The following MACROD2 variants were observed in gnomAD, a reference collection of about 807,000 sequenced individuals.
The protein encoded by MACROD2 is mono-ADP ribosylhydrolase 2.
MACROD2 carries 36 observed loss-of-function variants against 70.4 expected under a neutral mutation model. That is an observed-to-expected ratio of 0.51 (90% CI 0.39 to 0.68). The LOEUF (loss-of-function observed/expected upper bound fraction) is 0.68. Ranked by LOEUF, MACROD2 falls within the 30% of genes least tolerant of loss-of-function variation. MACROD2 has a pLI of 0.00. For synonymous variants in MACROD2, 172 were observed against 178.8 expected (o/e 0.96, Z 0.30); for missense variants, 496 against 538.4 (o/e 0.92, Z 0.78).
intron 8 of MACROD2, among the ~76,000 whole-genome samples, chr20:15,529,486 G>A (rs1023416440): frequency 2.0e-5 from 3 of 151,714 alleles, no homozygotes; most frequent in Non-Finnish European, 2.9e-5. Flanking sequence ...TAAATTAAAC[G>A]TCTATGTAAA....
intron 2 of MACROD2, among the ~76,000 whole-genome samples, chr20:14,071,267 T>TTC: frequency 7.5e-6 from 1 of 132,850 alleles, no homozygotes; most frequent in Non-Finnish European, 1.6e-5. Context: ...TTTTTTTTTT[T>TTC]TTTTTTTTTT....
At chr20:15,348,610 G>T (rs1467787591) in intron 6 of MACROD2, among the ~76,000 whole-genome samples, 2 of 152,120 alleles carry the variant, frequency 1.3e-5, no homozygotes, top group African/African-American at 4.8e-5. Flanking sequence ...CCACATGGCT[G>T]GGGAGGCCTC....
chr20:14,060,221 T>G (rs2148655085), intron 2 of MACROD2, among the ~76,000 whole-genome samples: 1 of 152,292 alleles, frequency 6.6e-6, no homozygotes, highest in East Asian at 1.9e-4. Flanking sequence ...AAGACTCTGG[T>G]TCCCTCTATC....
At chr20:15,477,161 C>T (rs1016453628) in intron 7 of MACROD2, among the ~76,000 whole-genome samples, 4 of 137,374 alleles carry the variant, frequency 2.9e-5, no homozygotes, top group Non-Finnish European at 6.0e-5. Context: ...ACTACAGTGG[C>T]GTAATCACAG....
chr20:15,688,242 T>C (rs947657767), intron 8 of MACROD2, among the ~76,000 whole-genome samples: 1 of 152,232 alleles, frequency 6.6e-6, no homozygotes, highest in Non-Finnish European at 1.5e-5. Context: ...CCTTTGGACA[T>C]TGTCATATAT....
At chr20:14,509,294 A>G (rs1209670002) in intron 4 of MACROD2, among the ~76,000 whole-genome samples, 1 of 152,108 alleles carries the variant, frequency 6.6e-6, no homozygotes, top group African/African-American at 2.4e-5. Context: ...TTGGGACAGT[A>G]AAATCATTAA....
intron 10 of MACROD2, among the ~76,000 whole-genome samples, chr20:15,919,506 G>A (rs978609420): frequency 2.0e-5 from 3 of 152,212 alleles, no homozygotes; most frequent in South Asian, 4.1e-4. Flanking sequence ...GGAGGCCGAG[G>A]TGGGCAGATC....
chr20:14,707,971 G>T (rs2071289884), intron 5 of MACROD2, among the ~76,000 whole-genome samples: 1 of 152,116 alleles, frequency 6.6e-6, no homozygotes, highest in Non-Finnish European at 1.5e-5. Context: ...CCTAGAGTTG[G>T]AAACCTTGGT....
At chr20:14,203,565 T>A (rs547172021) in intron 3 of MACROD2, among the ~76,000 whole-genome samples, 2 of 152,232 alleles carry the variant, frequency 1.3e-5, no homozygotes, top group Admixed American at 6.5e-5. Flanking sequence ...TCTATAATCA[T>A]ATCCATAGTG....
intron 5 of MACROD2, among the ~76,000 whole-genome samples, chr20:15,010,629 T>A (rs1461952786): frequency 6.6e-6 from 1 of 152,242 alleles, no homozygotes; most frequent in Non-Finnish European, 1.5e-5. Context: ...CTTAAAACTA[T>A]GTTTGTTCCT....
intron 5 of MACROD2, among the ~76,000 whole-genome samples, chr20:14,891,055 C>T (rs569960248): frequency 7.0e-6 from 1 of 141,886 alleles, no homozygotes; most frequent in Non-Finnish European, 1.5e-5. Flanking sequence ...TTTCCTTCTT[C>T]TTCCTCTTCC....
At chr20:15,017,782 C>T (rs1444401167) in intron 5 of MACROD2, among the ~76,000 whole-genome samples, 1 of 152,236 alleles carries the variant, frequency 6.6e-6, no homozygotes, top group Non-Finnish European at 1.5e-5. Flanking sequence ...GGGCTTCCAC[C>T]CTCTGAAGCC....
intron 8 of MACROD2, among the ~76,000 whole-genome samples, chr20:15,748,869 A>G (rs1227109279): frequency 6.6e-6 from 1 of 152,150 alleles, no homozygotes; most frequent in African/African-American, 2.4e-5. Flanking sequence ...GGAGGGCTAT[A>G]GTAAGAAGAG....
chr20:14,968,165 ATACT>A lies in MACROD2; in HGVS notation c.419-261769_419-261766del, dbSNP rs543618255. Among the ~76,000 whole-genome samples the A allele has an allele frequency of 2.8e-4, 43 of 152,322 alleles. No homozygotes were observed. The South Asian group carries it at 4.8e-3, about 17-fold the overall frequency. ...TCAAAAAACATATTAGCTGATAATAATACTTACTTTCAAATATCACTTAAAATTT... is the reference window on the plus strand; with the variant it reads ...TCAAAAAACATATTAGCTGATAATAATACTTTCAAATATCACTTAAAATTT... On this transcript the variant is annotated intron_variant, in intron 5 of 17. Coordinates refer to ENST00000684519, the MANE Select transcript of MACROD2 (RefSeq NM_001351661.2).
At chr20:15,522,114 G>C (rs1475728855) in intron 8 of MACROD2, among the ~76,000 whole-genome samples, 1 of 152,162 alleles carries the variant, frequency 6.6e-6, no homozygotes, top group Non-Finnish European at 1.5e-5. Flanking sequence ...GTCAGGACTA[G>C]GGTGAGGTAA....
chr20:14,047,666 G>A (rs57188267), intron 2 of MACROD2, among the ~76,000 whole-genome samples: 26,618 of 152,054 alleles, frequency 0.18, 2,554 homozygotes, highest in South Asian at 0.23. Context: ...GGAGGTGGCA[G>A]TATTGACAAA....
At chr20:15,468,517 G>T (rs1488388862) in intron 7 of MACROD2, among the ~76,000 whole-genome samples, 1 of 151,834 alleles carries the variant, frequency 6.6e-6, no homozygotes, top group Non-Finnish European at 1.5e-5. Context: ...TTTGACTCAA[G>T]AAAAAAAACA....
intron 4 of MACROD2, among the ~76,000 whole-genome samples, chr20:14,628,204 C>T (rs1045399779): frequency 1.3e-5 from 2 of 152,098 alleles, no homozygotes; most frequent in African/African-American, 4.8e-5. Context: ...GTGTGAGGTG[C>T]AGAGAGCTGT....
At chr20:15,154,489 C>G (rs146529811) in intron 5 of MACROD2, among the ~76,000 whole-genome samples, 21 of 152,298 alleles carry the variant, frequency 1.4e-4, no homozygotes, top group Admixed American at 9.8e-4. Flanking sequence ...TTGGTTAGCT[C>G]GGGCTACTAT....
Sources: gnomAD v4.1 joint callset for allele counts (sites outside exome capture counted in the v4.1 genomes callset) on GRCh38, gnomAD v4.1.1 for gene constraint, MANE v1.5 for transcripts, NCBI Gene and HGNC (gene_info 2026-07-23, HGNC 2026-07-21) for gene names.